The following PTPN13 variants were observed in gnomAD, a reference collection of about 807,000 sequenced individuals.
PTPN13 encodes the protein protein tyrosine phosphatase non-receptor type 13.
Under a neutral mutation model 284.0 loss-of-function variants are expected in PTPN13, and 191 were observed. The ratio of observed to expected loss-of-function variants is 0.67; its 90% CI spans 0.60 to 0.76. The LOEUF is 0.76. Among genes scored for constraint, PTPN13 ranks in the 30% least tolerant of loss-of-function variants. PTPN13 has a pLI of 0.00. For synonymous variants in PTPN13, 986 were observed against 1,022.3 expected, an observed-to-expected ratio of 0.96 and a Z score of 0.68; for missense variants, 2,797 against 2,939.9, an observed-to-expected ratio of 0.95 and a Z score of 1.12.
chr4:86,681,385 T>C (rs1565310789), intron 3 of PTPN13, among the ~76,000 whole-genome samples: 1 of 152,188 alleles, frequency 6.6e-6, no homozygotes, highest in African/African-American at 2.4e-5. Context: ...GAGACAATTT[T>C]GGTTGTCATA....
At chr4:86,789,706 C>T (rs1014269116) in intron 40 of PTPN13, among the ~76,000 whole-genome samples, 3 of 152,160 alleles carry the variant, frequency 2.0e-5, no homozygotes, top group Non-Finnish European at 4.4e-5. Context: ...AGTACCACAG[C>T]TGCCTCCTCT....
chr4:86,662,551 C>T (rs1399817385), intron 2 of PTPN13, among the ~76,000 whole-genome samples: 2 of 152,088 alleles, frequency 1.3e-5, no homozygotes, highest in Admixed American at 1.3e-4. Context: ...AGGATGGTCT[C>T]CATCTCTTGA....
chr4:86,801,081 C>T (rs1194610177), intron 42 of PTPN13, among the ~76,000 whole-genome samples: 14 of 152,298 alleles, frequency 9.2e-5, no homozygotes, highest in South Asian at 4.1e-4. Flanking sequence ...TATAGCAAGA[C>T]GTTTCCCTTC....
intron 33 of PTPN13, 102 bp from the exon 34 acceptor site, chr4:86,775,069 A>G: frequency 1.2e-6 from 1 of 800,970 alleles, no homozygotes; most frequent in Non-Finnish European, 1.9e-6. Context: ...CTTACTAGCT[A>G]ATATATATTA....
intron 46 of PTPN13, among the ~76,000 whole-genome samples, chr4:86,810,312 C>A (rs889277810): frequency 6.6e-6 from 1 of 151,638 alleles, no homozygotes; most frequent in Middle Eastern, 3.2e-3. Flanking sequence ...TGTTATCACA[C>A]TTTAAAGATA....
At chr4:86,625,049 C>T (rs1440888414) in intron 1 of PTPN13, among the ~76,000 whole-genome samples, 1 of 152,120 alleles carries the variant, frequency 6.6e-6, no homozygotes, top group Non-Finnish European at 1.5e-5. Flanking sequence ...CTCCACCTAA[C>T]ATTTCCATCT....
At chr4:86,807,207 G>A (rs1274198828) in intron 44 of PTPN13, among the ~76,000 whole-genome samples, 1 of 152,008 alleles carries the variant, frequency 6.6e-6, no homozygotes. Flanking sequence ...AAATAATGAT[G>A]GAGAAGTACC....
chr4:86,693,689 A>G lies in PTPN13; in HGVS notation c.634+15A>G. The stretch of plus-strand genomic sequence containing the variant: ...ATTACCAACAGGTAAGAGTATATTA[A>G]TAGGAAATGTCTAGGCTTTAACCTT... On this transcript the variant is annotated intron_variant, in intron 6 of 47. Transcript: ENST00000411767. 3 of 1,514,482 alleles carry G rather than the reference A, an allele frequency of 2.0e-6. No individual in the cohort carries two copies. Among genetic ancestry groups the G allele is most frequent in the Non-Finnish European group, 2.7e-6 (3 of 1,117,720 alleles). The allele number at this position is 1,514,482 out of a possible 1,614,324, so 93.8% of individuals were successfully genotyped here.
chr4:86,809,447 C>T (rs1393935072), intron 45 of PTPN13, among the ~76,000 whole-genome samples: 2 of 152,132 alleles, frequency 1.3e-5, no homozygotes, highest in Non-Finnish European at 2.9e-5. Flanking sequence ...CCTGTAATCT[C>T]AACACTTTGG....
intron 7 of PTPN13, among the ~76,000 whole-genome samples, chr4:86,711,875 A>G (rs1355303948): frequency 6.6e-6 from 1 of 152,200 alleles, no homozygotes; most frequent in Non-Finnish European, 1.5e-5. Flanking sequence ...CATGCATTTA[A>G]TGTGTATTGG....
intron 1 of PTPN13, among the ~76,000 whole-genome samples, chr4:86,611,233 C>G (rs1719856156): frequency 6.6e-6 from 1 of 152,230 alleles, no homozygotes; most frequent in African/African-American, 2.4e-5. Flanking sequence ...CCTGCACAAA[C>G]TTCCAGACAT....
At position 86,724,230 on chromosome 4, in the gene PTPN13, C is replaced by T. The variant is rs555578175; in HGVS notation, c.1608+1796C>T. On this transcript the variant is annotated intron_variant, in intron 10 of 47. Coordinates refer to ENST00000411767, the MANE Select transcript of PTPN13 (RefSeq NM_080683.3). ...ACATATTTCAGGTAAAAGGAAGAAA[C>T]TCAATAGGGCTTCATCAATTCATTA... 7.3e-4 allele frequency among the ~76,000 whole-genome samples: 111 copies of T among 152,216 alleles called. 1 individual carries two copies. Among genetic ancestry groups the T allele is most frequent in the African/African-American group, 2.6e-3 (108 of 41,548 alleles).
At chr4:86,718,882 C>T (rs1470993018) in intron 9 of PTPN13, among the ~76,000 whole-genome samples, 1 of 152,120 alleles carries the variant, frequency 6.6e-6, no homozygotes, top group Non-Finnish European at 1.5e-5. Flanking sequence ...TGCATAATAG[C>T]ATTTTATATT....
chr4:86,807,889 G>A lies in PTPN13; in HGVS notation c.7075G>A (p.Asp2359Asn), dbSNP rs1744823027. 1 of 1,608,498 alleles carries A rather than the reference G, an allele frequency of 6.2e-7. No individual in the cohort carries two copies. The highest frequency in any genetic ancestry group is 8.5e-7 in the Non-Finnish European group (1 of 1,176,374). Residue 2359 changes from aspartate to asparagine, a missense_variant, in exon 45 of 48, where the codon GAT (aspartate) becomes AAT (asparagine). By Grantham distance (23) the Asp-to-Asn change is conservative (BLOSUM62 1). Coordinates refer to ENST00000411767, the MANE Select transcript of PTPN13 (RefSeq NM_080683.3). The stretch of plus-strand genomic sequence containing the variant: ...TGTGGTGAGGGCAATGACCCTTGAA[G>A]ATATTCAGGTAAGTGAATGAAATCT... ...GFVVRAMTLE[D>N]IQTREVRHIS...
intron 40 of PTPN13, among the ~76,000 whole-genome samples, chr4:86,795,513 A>G (rs1743234015): frequency 6.6e-6 from 1 of 152,218 alleles, no homozygotes; most frequent in African/African-American, 2.4e-5. Context: ...TAGAAATACC[A>G]TTTGACCCAG....
chr4:86,762,359 G>A (rs1027126447), intron 23 of PTPN13, among the ~76,000 whole-genome samples: 6 of 152,250 alleles, frequency 3.9e-5, no homozygotes, highest in Non-Finnish European at 7.4e-5. Context: ...TCCAAAAAGT[G>A]CAATCTAGTA....
At chr4:86,718,455 C>CTTTTTTTTTATTTTTTTTTTTTTTTTTTT (rs1733264242) in intron 9 of PTPN13, among the ~76,000 whole-genome samples, 1 of 140,164 alleles carries the variant, frequency 7.1e-6, no homozygotes, top group African/African-American at 2.6e-5. Context: ...TAATGGTCCA[C>CTTTTTTTTTATTTTTTTTTTTTTTTTTTT]TTTTTTTTTT....
chr4:86,656,038 T>C (rs1273252239), intron 2 of PTPN13, among the ~76,000 whole-genome samples: 2 of 152,242 alleles, frequency 1.3e-5, no homozygotes, highest in Non-Finnish European at 2.9e-5. Context: ...TCTAATCGGC[T>C]ACTGAAGCTT....
chr4:86,634,452 C>T (rs113451823), intron 1 of PTPN13, among the ~76,000 whole-genome samples: 1 of 152,154 alleles, frequency 6.6e-6, no homozygotes, highest in African/African-American at 2.4e-5. Context: ...TATATCATCA[C>T]TTAACTGAAC....
Sources: allele counts gnomAD v4.1 joint callset (sites outside exome capture counted in the v4.1 genomes callset), GRCh38; gene constraint gnomAD v4.1.1; transcripts MANE v1.5; gene names NCBI Gene and HGNC (gene_info 2026-07-23, HGNC 2026-07-21).